Variants in SLC4A4 observed in about 807,000 individuals in gnomAD.
SLC4A4 encodes solute carrier family 4 member 4.
In SLC4A4, 27 loss-of-function variants were observed where a neutral mutation model predicts 111.5. The observed-to-expected ratio is 0.24, with a 90% CI of 0.18 to 0.33. SLC4A4 has a LOEUF of 0.33. SLC4A4 is among the 10% of genes least tolerant of loss of function. The pLI, the probability that SLC4A4 is intolerant of heterozygous loss-of-function variation, is 1.00. For synonymous variants in SLC4A4, 443 were observed against 463.4 expected (o/e 0.96, Z 0.57); for missense variants, 909 against 1,315.5 (o/e 0.69, Z 4.78).
At chr4:71,161,153 T>C (rs1256077028) in intron 2 of SLC4A4, among the ~76,000 whole-genome samples, 3 of 152,148 alleles carry the variant, frequency 2.0e-5, no homozygotes, top group Non-Finnish European at 4.4e-5. Context: ...AGATGAGATA[T>C]GGATTCTGAT....
intron 9 of SLC4A4, among the ~76,000 whole-genome samples, chr4:71,448,647 A>G (rs1289034067): frequency 1.3e-5 from 2 of 152,198 alleles, no homozygotes; most frequent in Non-Finnish European, 2.9e-5. Flanking sequence ...CATGCATTTT[A>G]GATATGAGAA....
chr4:71,072,669 G>T (rs1741700949), intron 1 of SLC4A4, among the ~76,000 whole-genome samples: 1 of 152,028 alleles, frequency 6.6e-6, no homozygotes, highest in South Asian at 2.1e-4. Flanking sequence ...TTTAAAGAGA[G>T]AATTGCTGTC....
At chr4:71,345,860 C>G (rs1363002120) in intron 4 of SLC4A4, among the ~76,000 whole-genome samples, 1 of 152,036 alleles carries the variant, frequency 6.6e-6, no homozygotes, top group African/African-American at 2.4e-5. Context: ...TAGTTGTGTA[C>G]AATAACTTTA....
intron 16 of SLC4A4, among the ~76,000 whole-genome samples, chr4:71,507,654 A>G (rs1731539549): frequency 6.6e-6 from 1 of 152,244 alleles, no homozygotes. Flanking sequence ...CAAGACTTTA[A>G]TACCCCACTG....
chr4:71,376,156 T>TATATACACAC (rs1553900734), intron 6 of SLC4A4, among the ~76,000 whole-genome samples: 2 of 135,520 alleles, frequency 1.5e-5, no homozygotes, highest in African/African-American at 2.8e-5. Context: ...CCTGTATATA[T>TATATACACAC]ACACACACAC....
At chr4:71,413,995 G>A (rs1721619864) in intron 7 of SLC4A4, among the ~76,000 whole-genome samples, 1 of 152,172 alleles carries the variant, frequency 6.6e-6, no homozygotes, top group Non-Finnish European at 1.5e-5. Flanking sequence ...GAGTAACAGA[G>A]CTGTGGCCAT....
At position 71,391,506 on chromosome 4, in the gene SLC4A4, T is replaced by A. The variant is rs551633773; in HGVS notation, c.731-6071T>A. Among the ~76,000 whole-genome samples the A allele has an allele frequency of 9.2e-5, 14 of 152,256 alleles. No individual in the cohort carries two copies. In the East Asian group the frequency reaches 2.7e-3, roughly 29 times the overall value. ...AAATTGCTACATGTGTGCTAAAGAA[T>A]AACAATGATTTTCAAACTTAGTACA... On this transcript the variant is annotated intron_variant, in intron 6 of 25. Transcript: ENST00000264485.
intron 1 of SLC4A4, among the ~76,000 whole-genome samples, chr4:71,076,313 C>T (rs927751226): frequency 6.6e-6 from 1 of 152,030 alleles, no homozygotes; most frequent in Non-Finnish European, 1.5e-5. Context: ...GGCGGATCAA[C>T]GGAGGCCAGA....
chr4:71,227,262 G>A (rs936025377), intron 1 of SLC4A4, among the ~76,000 whole-genome samples: 7 of 152,144 alleles, frequency 4.6e-5, no homozygotes, highest in East Asian at 3.9e-4. Context: ...TGTGGTGGAC[G>A]GTTCAGGGTG....
intron 2 of SLC4A4, among the ~76,000 whole-genome samples, chr4:71,117,070 G>A (rs935801836): frequency 3.3e-5 from 5 of 152,132 alleles, no homozygotes; most frequent in Admixed American, 3.3e-4. Flanking sequence ...CCAACCTCTT[G>A]GGCCCAAGTG....
At chr4:71,250,408 A>C (rs985909944) in intron 2 of SLC4A4, among the ~76,000 whole-genome samples, 5 of 152,162 alleles carry the variant, frequency 3.3e-5, no homozygotes, top group African/African-American at 1.2e-4. Context: ...AATCTGGAAC[A>C]TCCCTCAGTG....
intron 7 of SLC4A4, among the ~76,000 whole-genome samples, chr4:71,429,204 A>G (rs1015977424): frequency 2.0e-5 from 3 of 152,120 alleles, no homozygotes; most frequent in Admixed American, 6.6e-5. Context: ...AACCTAAAAT[A>G]TGTGAACTGC....
intron 8 of SLC4A4, among the ~76,000 whole-genome samples, chr4:71,444,201 A>G (rs189360798): frequency 6.6e-6 from 1 of 152,296 alleles, no homozygotes; most frequent in East Asian, 1.9e-4. Flanking sequence ...TTCTCATATT[A>G]TGCTCTGTTT....
chr4:71,180,064 T>G (rs974796890), intron 2 of SLC4A4, among the ~76,000 whole-genome samples: 7 of 152,240 alleles, frequency 4.6e-5, no homozygotes. Flanking sequence ...TACCATCATC[T>G]GATCTTTGAC....
intron 3 of SLC4A4, among the ~76,000 whole-genome samples, chr4:71,307,133 G>A (rs1298986010): frequency 2.6e-5 from 4 of 152,172 alleles, no homozygotes; most frequent in African/African-American, 9.7e-5. Context: ...ATTACTTAAA[G>A]TGATTGCCTA....
chr4:71,307,373 A>G (rs1725779506), intron 3 of SLC4A4, among the ~76,000 whole-genome samples: 1 of 152,202 alleles, frequency 6.6e-6, no homozygotes, highest in Non-Finnish European at 1.5e-5. Context: ...TTTAAGGTGA[A>G]TCGCTGATGA....
chr4:71,185,359 G>A (rs934689904), upstream of SLC4A4, among the ~76,000 whole-genome samples: 1 of 152,190 alleles, frequency 6.6e-6, no homozygotes, highest in African/African-American at 2.4e-5. Context: ...CTTGCTAACT[G>A]CCTGCTCAGG....
At chr4:71,558,115 G>A (rs1736634607) in intron 22 of SLC4A4, among the ~76,000 whole-genome samples, 1 of 151,936 alleles carries the variant, frequency 6.6e-6, no homozygotes, top group Non-Finnish European at 1.5e-5. Flanking sequence ...ATGCTCAGCA[G>A]TAAACTTCTT....
chr4:71,435,163 A>G (rs1724007538), intron 7 of SLC4A4, among the ~76,000 whole-genome samples: 1 of 152,184 alleles, frequency 6.6e-6, no homozygotes, highest in Non-Finnish European at 1.5e-5. Context: ...AAACTATACT[A>G]CAAGGCTACA....
Sources: gnomAD v4.1 joint callset for allele counts (sites outside exome capture counted in the v4.1 genomes callset) on GRCh38, gnomAD v4.1.1 for gene constraint, MANE v1.5 for transcripts, NCBI Gene and HGNC (gene_info 2026-07-23, HGNC 2026-07-21) for gene names.